Variants in BCAS3 observed in about 807,000 individuals in gnomAD.
BCAS3 encodes BCAS3 microtubule associated cell migration factor.
Under a neutral mutation model 116.1 loss-of-function variants are expected in BCAS3, and 53 were observed. The observed-to-expected ratio is 0.46, with a 90% CI of 0.37 to 0.57. BCAS3 has a LOEUF of 0.57. BCAS3 is among the 20% of genes least tolerant of loss of function. The probability of loss-of-function intolerance (pLI) is 0.00; values close to 1 mark genes in which losing one functional copy is unlikely to be tolerated. For missense variants in BCAS3, 917 were observed against 1,165.4 expected, an observed-to-expected ratio of 0.79 and a Z score of 3.10; for synonymous variants, 391 against 408.2, an observed-to-expected ratio of 0.96 and a Z score of 0.51.
intron 14 of BCAS3, among the ~76,000 whole-genome samples, chr17:60,982,853 AG>A (rs1188142827): frequency 3.3e-5 from 5 of 152,116 alleles, no homozygotes; most frequent in African/African-American, 9.7e-5. Flanking sequence ...TTACAGAAAA[AG>A]TTTACTGAAC....
intron 7 of BCAS3, among the ~76,000 whole-genome samples, chr17:60,818,034 T>C (rs1254519817): frequency 6.6e-6 from 1 of 151,978 alleles, no homozygotes; most frequent in Non-Finnish European, 1.5e-5. Context: ...TTTGTAATTT[T>C]AGTAGAGATA....
At position 61,021,151 on chromosome 17, in the gene BCAS3, G is replaced by C. The variant is rs951357651; in HGVS notation, c.1637+5250G>C. On this transcript the variant is annotated intron_variant, in intron 16 of 23. Coordinates refer to ENST00000407086, the MANE Select transcript of BCAS3 (RefSeq NM_017679.5). The surrounding 1 kb of genome is among the most constrained non-coding windows in gnomAD (Gnocchi z 4.6). ...CACCCACTGCAACCTCTGCTCTTGG[G>C]CTCAGGTGATTCTCTTGCCTCAGCC... is the stretch of plus-strand genomic sequence containing the variant. Among the ~76,000 whole-genome samples, 23 of 152,168 alleles carry C rather than the reference G, an allele frequency of 1.5e-4. No homozygotes were observed. Among genetic ancestry groups the C allele is most frequent in the African/African-American group, 5.5e-4 (23 of 41,518 alleles).
intron 7 of BCAS3, among the ~76,000 whole-genome samples, chr17:60,861,398 C>CT (rs1360977031): frequency 6.6e-6 from 1 of 152,158 alleles, no homozygotes; most frequent in Non-Finnish European, 1.5e-5. Context: ...TGGACAGAGA[C>CT]TAAGAGTTTT....
chr17:61,195,540 T>A (rs1323980551), intron 22 of BCAS3, among the ~76,000 whole-genome samples: 1 of 44,418 alleles, frequency 2.3e-5, no homozygotes, highest in Non-Finnish European at 1.9e-4. Context: ...TTTCTTTTTC[T>A]TTCTTTTTTT....
At position 61,368,232 on chromosome 17, in the gene BCAS3, C is replaced by A; in HGVS notation, c.2426-95C>A. On this transcript the variant is annotated intron_variant, in intron 22 of 23. Coordinates refer to ENST00000407086, the MANE Select transcript of BCAS3 (RefSeq NM_017679.5). The surrounding 1 kb of genome is among the most constrained non-coding windows in gnomAD (Gnocchi z 6.0). ...CATCCTACAGGAAGGCTACAATGGACCCTGGGTATGGAGAGGAGCGGGTGG... is the reference window on the plus strand; with the variant it reads ...CATCCTACAGGAAGGCTACAATGGAACCTGGGTATGGAGAGGAGCGGGTGG... The A allele has an allele frequency of 7.3e-7, 1 of 1,360,832 alleles. No individual in the cohort carries two copies. Among genetic ancestry groups the A allele is most frequent in the Non-Finnish European group, 1.0e-6 (1 of 998,606 alleles). The allele number at this position is 1,360,832 out of a possible 1,614,324, so 84.3% of individuals were successfully genotyped here.
Position 61,012,911 on chromosome 17 carries a change from A to G in BCAS3, c.1487-2840A>G, listed in dbSNP as rs1430277681. ...ATACTGTTCCCTCGCTGAAGAACTTAACCTAAGTTCCTACTCCTCTGGCTC... is the reference window on the plus strand; with the variant it reads ...ATACTGTTCCCTCGCTGAAGAACTTGACCTAAGTTCCTACTCCTCTGGCTC... On this transcript the variant is annotated intron_variant, in intron 15 of 23. Transcript: ENST00000407086. The surrounding 1 kb of genome is among the most constrained non-coding windows in gnomAD (Gnocchi z 4.5). Among the ~76,000 whole-genome samples the G allele has an allele frequency of 6.6e-6, 1 of 152,030 alleles. No homozygotes were observed. The highest frequency in any genetic ancestry group is 1.5e-5 in the Non-Finnish European group (1 of 67,942).
intron 13 of BCAS3, among the ~76,000 whole-genome samples, chr17:60,926,825 A>C (rs903669774): frequency 6.6e-6 from 1 of 152,224 alleles, no homozygotes; most frequent in Admixed American, 6.5e-5. Flanking sequence ...TAGTCGTCAT[A>C]AAATGGTTTC....
At chr17:61,280,749 TG>T (rs1490177205) in intron 22 of BCAS3, among the ~76,000 whole-genome samples, 3 of 152,318 alleles carry the variant, frequency 2.0e-5, no homozygotes, top group African/African-American at 7.2e-5. Flanking sequence ...TGTATTCTTA[TG>T]ACAGATTAGT....
intron 22 of BCAS3, among the ~76,000 whole-genome samples, chr17:61,121,771 C>T (rs1207111524): frequency 6.6e-6 from 1 of 152,178 alleles, no homozygotes. Context: ...TGCCGTGTCA[C>T]CCAGGCTGGA....
At position 61,388,962 on chromosome 17, in the gene BCAS3, ATT is replaced by A; in HGVS notation, c.2594-3014_2594-3013del. The A allele has an allele frequency of 8.2e-4, 1 of 1,222 alleles. No homozygotes were observed. Among genetic ancestry groups the A allele is most frequent in the Non-Finnish European group, 1.7e-3 (1 of 604 alleles). 0.1% of individuals were successfully genotyped at this position (1,222 alleles called of 1,614,324 possible). A position where few individuals can be genotyped will look rare whatever the true frequency, so the allele number is the denominator to read the frequency against. On this transcript the variant is annotated intron_variant, in intron 23 of 23. Transcript: ENST00000407086. This position sits in a 1 kb window ranked among gnomAD's most constrained non-coding sequence, Gnocchi z 6.5. ...GGCCCCCACCTCCCCTTACCACATCATTCATTCATTCATTCATTCATTCATTC... is the reference window on the plus strand; with the variant it reads ...GGCCCCCACCTCCCCTTACCACATCACATTCATTCATTCATTCATTCATTC...
rs1201889487 is a variant in BCAS3, at chr17:61,095,761, C to G, written c.2425+11197C>G. Among the ~76,000 whole-genome samples the G allele has an allele frequency of 6.6e-6, 1 of 151,928 alleles. No individual in the cohort carries two copies. The highest frequency in any genetic ancestry group is 1.5e-5 in the Non-Finnish European group (1 of 67,986). On this transcript the variant is annotated intron_variant, in intron 22 of 23. Coordinates refer to ENST00000407086, the MANE Select transcript of BCAS3 (RefSeq NM_017679.5). The surrounding 1 kb of genome is among the most constrained non-coding windows in gnomAD (Gnocchi z 4.7). The stretch of plus-strand genomic sequence containing the variant: ...GGATTACAGGTATTAGCCACCGCAC[C>G]TGACTGGGGTCCTGAGTTTTTTTAA...
intron 14 of BCAS3, among the ~76,000 whole-genome samples, chr17:60,963,642 G>A (rs146826264): frequency 0.038 from 5,657 of 148,482 alleles, 406 homozygotes; most frequent in African/African-American, 0.13. Flanking sequence ...TGCAAGCTCC[G>A]CCTCCCAGGT....
At chr17:60,784,997 CAAGGCAGAGGCAATTGCTTGAACCTGGG>C (rs978916155) in intron 6 of BCAS3, among the ~76,000 whole-genome samples, 1 of 151,784 alleles carries the variant, frequency 6.6e-6, no homozygotes, top group Non-Finnish European at 1.5e-5. Flanking sequence ...CTTGGGAGGC[CAAGGCAGAGGCAATTGCTTGAACCTGGG>C]GAGGCAGAGG....
chr17:61,230,998 A>G (rs1441342315), intron 22 of BCAS3, among the ~76,000 whole-genome samples: 1 of 127,412 alleles, frequency 7.8e-6, no homozygotes, highest in African/African-American at 3.1e-5. Context: ...ATAAGGTCTC[A>G]CTATGTTCCC....
At chr17:60,734,659 C>G (rs1044013697) in intron 5 of BCAS3, among the ~76,000 whole-genome samples, 1 of 152,188 alleles carries the variant, frequency 6.6e-6, no homozygotes, top group Non-Finnish European at 1.5e-5. Context: ...GGTCTATGAA[C>G]TCTTTGTTCT....
intron 22 of BCAS3, among the ~76,000 whole-genome samples, chr17:61,252,087 G>A (rs1184923741): frequency 5.3e-5 from 8 of 152,134 alleles, no homozygotes; most frequent in Non-Finnish European, 7.4e-5. Flanking sequence ...CTCTTAAAAG[G>A]CAATTAAAAC....
At position 61,032,792 on chromosome 17, in the gene BCAS3, G is replaced by A. The variant is rs929267623; in HGVS notation, c.1638-1874G>A. ...ATGTCTTTATTCCCTGTCACTGGAAGTCTCACTGTGACTGGTTGACATTTT... is the reference window on the plus strand; with the variant it reads ...ATGTCTTTATTCCCTGTCACTGGAAATCTCACTGTGACTGGTTGACATTTT... On this transcript the variant is annotated intron_variant, in intron 16 of 23. Transcript: ENST00000407086. The surrounding 1 kb of genome is among the most constrained non-coding windows in gnomAD (Gnocchi z 4.6). Among the ~76,000 whole-genome samples the A allele has an allele frequency of 1.1e-4, 17 of 152,178 alleles. No homozygotes were observed. Among genetic ancestry groups the A allele is most frequent in the Admixed American group, 7.9e-4 (12 of 15,266 alleles).
chr17:61,370,665 G>GTGTAAT (rs2059000152), intron 23 of BCAS3, among the ~76,000 whole-genome samples: 1 of 152,238 alleles, frequency 6.6e-6, no homozygotes, highest in Non-Finnish European at 1.5e-5. Context: ...GGGATTACAG[G>GTGTAAT]CGTGAGCCAC....
intron 14 of BCAS3, among the ~76,000 whole-genome samples, chr17:60,959,795 A>C (rs1160792383): frequency 6.6e-6 from 1 of 152,184 alleles, no homozygotes; most frequent in African/African-American, 2.4e-5. Flanking sequence ...AAAAATCTAA[A>C]ATCAAAATGT....
Sources: allele counts gnomAD v4.1 joint callset (sites outside exome capture counted in the v4.1 genomes callset), GRCh38; gene constraint gnomAD v4.1.1; non-coding constraint Gnocchi (gnomAD v3.1); transcripts MANE v1.5; gene names NCBI Gene and HGNC (gene_info 2026-07-23, HGNC 2026-07-21).